Variants in SGCZ observed in about 807,000 individuals in gnomAD.
The protein encoded by SGCZ is sarcoglycan zeta.
A neutral mutation model predicts 41.3 loss-of-function variants in SGCZ; 40 were observed. That is an observed-to-expected ratio of 0.97 (90% CI 0.75 to 1.26). The LOEUF is 1.26. Among genes scored for constraint, SGCZ ranks in the 50% most tolerant of loss-of-function variants. The pLI, the probability that SGCZ is intolerant of heterozygous loss-of-function variation, is 0.00. For synonymous variants in SGCZ, 206 were observed against 137.5 expected (o/e 1.50, Z -3.49); for missense variants, 552 against 369.8 (o/e 1.49, Z -4.04).
intron 5 of SGCZ, among the ~76,000 whole-genome samples, chr8:14,152,363 G>A (rs1250186823): frequency 6.6e-6 from 1 of 152,130 alleles, no homozygotes; most frequent in Non-Finnish European, 1.5e-5. Flanking sequence ...TTAAGGAAAT[G>A]CAAACTAAAA....
At chr8:15,236,239 C>A (rs545637169) in intron 1 of SGCZ, among the ~76,000 whole-genome samples, 3 of 152,314 alleles carry the variant, frequency 2.0e-5, no homozygotes, top group Admixed American at 2.0e-4. Context: ...TGTTCTCTGT[C>A]CCTCCTTCCT....
chr8:14,335,585 T>C (rs183435040), intron 2 of SGCZ, among the ~76,000 whole-genome samples: 1 of 152,268 alleles, frequency 6.6e-6, no homozygotes, highest in East Asian at 1.9e-4. Flanking sequence ...CAGACAGACA[T>C]ACCTTTAGCT....
At chr8:14,539,020 A>G (rs1803378581) in intron 2 of SGCZ, among the ~76,000 whole-genome samples, 1 of 152,034 alleles carries the variant, frequency 6.6e-6, no homozygotes, top group Non-Finnish European at 1.5e-5. Context: ...AACATATTTC[A>G]GATAAGATCA....
At chr8:14,861,873 C>T (rs980404048) in intron 1 of SGCZ, among the ~76,000 whole-genome samples, 1 of 152,030 alleles carries the variant, frequency 6.6e-6, no homozygotes, top group Non-Finnish European at 1.5e-5. Flanking sequence ...TTAAAGAGTT[C>T]CTTTCTTCTC....
intron 7 of SGCZ, among the ~76,000 whole-genome samples, chr8:14,091,543 T>C (rs906687778): frequency 1.3e-5 from 2 of 152,186 alleles, no homozygotes; most frequent in African/African-American, 4.8e-5. Context: ...GGTATCCCAT[T>C]GTGGATTTGA....
intron 2 of SGCZ, among the ~76,000 whole-genome samples, chr8:14,550,808 G>C (rs568750022): frequency 6.6e-6 from 1 of 152,092 alleles, no homozygotes; most frequent in South Asian, 2.1e-4. Context: ...GGTTTAAGCA[G>C]ATGCCAAGTG....
chr8:14,627,548 A>T (rs542334716), intron 1 of SGCZ, among the ~76,000 whole-genome samples: 24 of 152,256 alleles, frequency 1.6e-4, no homozygotes, highest in Admixed American at 3.3e-4. Context: ...TGAAAACATT[A>T]TTTACCATTT....
chr8:14,738,193 A>G (rs1457215574), intron 1 of SGCZ, among the ~76,000 whole-genome samples: 1 of 152,016 alleles, frequency 6.6e-6, no homozygotes, highest in African/African-American at 2.4e-5. Flanking sequence ...CTCTGTTTTC[A>G]ACATTATTTC....
chr8:14,118,191 C>A (rs1042331876), intron 5 of SGCZ, among the ~76,000 whole-genome samples: 1 of 152,084 alleles, frequency 6.6e-6, no homozygotes, highest in East Asian at 1.9e-4. Flanking sequence ...CTAATTTGCA[C>A]TCCTACCAAC....
intron 2 of SGCZ, among the ~76,000 whole-genome samples, chr8:14,438,647 G>A (rs1006645464): frequency 6.6e-6 from 1 of 151,952 alleles, no homozygotes; most frequent in Non-Finnish European, 1.5e-5. Flanking sequence ...GATAAATTTT[G>A]TATTAAAATG....
At chr8:15,136,757 C>G (rs908173731) in intron 1 of SGCZ, among the ~76,000 whole-genome samples, 1 of 152,174 alleles carries the variant, frequency 6.6e-6, no homozygotes, top group African/African-American at 2.4e-5. Flanking sequence ...CCAGGCAGAA[C>G]TGTGAGTCAA....
chr8:15,045,984 C>CT (rs1347974300), intron 1 of SGCZ, among the ~76,000 whole-genome samples: 6 of 152,100 alleles, frequency 3.9e-5, no homozygotes, highest in African/African-American at 7.2e-5. Context: ...ATGCAGAAGA[C>CT]TTTCATTGTC....
intron 1 of SGCZ, among the ~76,000 whole-genome samples, chr8:15,155,326 A>G (rs1469231301): frequency 6.6e-6 from 1 of 152,186 alleles, no homozygotes; most frequent in Non-Finnish European, 1.5e-5. Flanking sequence ...GTTTCAGGTA[A>G]TTAATATGCT....
chr8:14,456,172 G>C (rs566986543), intron 2 of SGCZ, among the ~76,000 whole-genome samples: 1 of 152,160 alleles, frequency 6.6e-6, no homozygotes, highest in South Asian at 2.1e-4. Flanking sequence ...ACTTTGGGAA[G>C]CTGAGGCAGG....
chr8:14,783,428 T>A (rs1800651226), intron 1 of SGCZ, among the ~76,000 whole-genome samples: 1 of 150,120 alleles, frequency 6.7e-6, no homozygotes, highest in Admixed American at 6.6e-5. Flanking sequence ...AAAGAGATTT[T>A]GTCTCAAAAA....
intron 2 of SGCZ, among the ~76,000 whole-genome samples, chr8:14,383,841 T>C (rs1016971593): frequency 6.6e-6 from 1 of 152,166 alleles, no homozygotes; most frequent in South Asian, 2.1e-4. Context: ...GCGAAGAGGT[T>C]TGAGCATTAT....
intron 3 of SGCZ, among the ~76,000 whole-genome samples, chr8:14,284,845 G>A: frequency 6.6e-6 from 1 of 152,012 alleles, no homozygotes; most frequent in East Asian, 1.9e-4. Context: ...GATCATGTCT[G>A]TTTAATGCTG....
At chr8:15,141,231 A>C (rs1267006920) in intron 1 of SGCZ, among the ~76,000 whole-genome samples, 2 of 152,214 alleles carry the variant, frequency 1.3e-5, no homozygotes, top group African/African-American at 2.4e-5. Flanking sequence ...AACCCACATA[A>C]TACCAGGGAC....
At chr8:14,981,135 G>A (rs1469333318) in intron 1 of SGCZ, among the ~76,000 whole-genome samples, 1 of 152,044 alleles carries the variant, frequency 6.6e-6, no homozygotes, top group Non-Finnish European at 1.5e-5. Context: ...CATTCCCTTA[G>A]CCTTTCACTG....
Sources: allele counts gnomAD v4.1 joint callset (sites outside exome capture counted in the v4.1 genomes callset), GRCh38; gene constraint gnomAD v4.1.1; transcripts MANE v1.5; gene names NCBI Gene and HGNC (gene_info 2026-07-23, HGNC 2026-07-21).